Variants in COG5 observed in about 807,000 individuals in gnomAD.
COG5 encodes the protein component of oligomeric golgi complex 5.
In COG5, 86 loss-of-function variants were observed where a neutral mutation model predicts 110.4. The observed-to-expected ratio is 0.78, with a 90% CI of 0.65 to 0.93. The LOEUF (loss-of-function observed/expected upper bound fraction) is 0.93. Ranked by LOEUF, COG5 falls within the 40% of genes least tolerant of loss-of-function variation. The pLI is 0.00. For synonymous variants in COG5, 360 were observed against 334.6 expected (o/e 1.08, Z -0.83); for missense variants, 1,077 against 987.0 (o/e 1.09, Z -1.22).
intron 10 of COG5, among the ~76,000 whole-genome samples, chr7:107,346,907 T>G (rs1445773857): frequency 3.9e-5 from 6 of 152,086 alleles, no homozygotes; most frequent in Non-Finnish European, 7.4e-5. Context: ...AACAGGAGGA[T>G]ATTAACCCAT....
chr7:107,339,529 T>G (rs1811006642), intron 10 of COG5, among the ~76,000 whole-genome samples: 1 of 152,022 alleles, frequency 6.6e-6, no homozygotes, highest in South Asian at 2.1e-4. Flanking sequence ...CTGGACCTAA[T>G]AGATATCTAC....
intron 6 of COG5, among the ~76,000 whole-genome samples, chr7:107,505,218 G>T (rs1798906900): frequency 6.6e-6 from 1 of 152,154 alleles, no homozygotes; most frequent in African/African-American, 2.4e-5. Context: ...GGTGTCCACA[G>T]GTAAAAACCA....
chr7:107,358,634 T>C (rs944431999), intron 10 of COG5, among the ~76,000 whole-genome samples: 10 of 152,180 alleles, frequency 6.6e-5, no homozygotes, highest in Non-Finnish European at 2.9e-5. Context: ...TAAGAGTTGT[T>C]CACTGTACCT....
At chr7:107,255,606 T>C (rs1294019758) in intron 16 of COG5, among the ~76,000 whole-genome samples, 2 of 152,156 alleles carry the variant, frequency 1.3e-5, no homozygotes, top group Non-Finnish European at 2.9e-5. Flanking sequence ...AGGATTTACT[T>C]GTAGACTTTC....
chr7:107,554,149 T>C, intron 3 of COG5, 136 bp downstream of exon 3: 4 of 730,040 alleles, frequency 5.5e-6, no homozygotes, highest in South Asian at 1.5e-5. Flanking sequence ...CACTCTACAA[T>C]GGCAGAGTTT....
intron 1 of COG5, among the ~76,000 whole-genome samples, chr7:107,558,731 A>T (rs948963161): frequency 5.1e-4 from 77 of 150,534 alleles, no homozygotes; most frequent in Admixed American, 8.6e-4. Context: ...CTAAAAATAT[A>T]AAAAAAATTA....
chr7:107,372,851 C>A, intron 7 of COG5, 91 bp from the exon 8 acceptor site: 6 of 1,198,512 alleles, frequency 5.0e-6, no homozygotes, highest in Non-Finnish European at 7.1e-6. Context: ...AGGACTTCAG[C>A]AGTCCTATCA....
rs574911186 is a variant in COG5, at chr7:107,444,491, T to C, written c.539-31859A>G. The stretch of plus-strand genomic sequence containing the variant: ...TACACTGTTTTCGCCACTCCAACCC[T>C]GCTTTTCAGAATTATACCTGTTCTT... On this transcript the variant is annotated intron_variant, in intron 6 of 21. Transcript: ENST00000297135. Among the ~76,000 whole-genome samples the C allele has an allele frequency of 6.2e-4, 94 of 152,336 alleles. No individual in the cohort carries two copies. In the South Asian group the frequency reaches 0.019, roughly 31 times the overall value.
intron 7 of COG5, among the ~76,000 whole-genome samples, chr7:107,404,644 C>T (rs1411858643): frequency 6.6e-6 from 1 of 151,670 alleles, no homozygotes; most frequent in African/African-American, 2.4e-5. Context: ...AGGAGAGTAG[C>T]ATAAAATGTG....
intron 5 of COG5, among the ~76,000 whole-genome samples, chr7:107,540,335 G>T (rs1801882973): frequency 6.6e-6 from 1 of 151,960 alleles, no homozygotes; most frequent in South Asian, 2.1e-4. Context: ...CATTTTGGGA[G>T]GCCAGGTAGG....
At chr7:107,441,873 T>C (rs549811040) in intron 6 of COG5, among the ~76,000 whole-genome samples, 4 of 152,224 alleles carry the variant, frequency 2.6e-5, no homozygotes, top group Non-Finnish European at 5.9e-5. Flanking sequence ...TAAGTCACAT[T>C]TTAAAATAGA....
chr7:107,413,554 C>G (rs1277773644), intron 6 of COG5, among the ~76,000 whole-genome samples: 2 of 146,722 alleles, frequency 1.4e-5, no homozygotes, highest in East Asian at 3.9e-4. Flanking sequence ...AAAAAAAAAC[C>G]AGGAAAAAAA....
intron 6 of COG5, among the ~76,000 whole-genome samples, chr7:107,505,977 G>A (rs1422763683): frequency 6.6e-6 from 1 of 152,174 alleles, no homozygotes; most frequent in Non-Finnish European, 1.5e-5. Context: ...CTCTGATGGG[G>A]GTGGCAGGAA....
intron 6 of COG5, among the ~76,000 whole-genome samples, chr7:107,502,796 G>A (rs547012180): frequency 1.3e-5 from 2 of 152,028 alleles, no homozygotes; most frequent in African/African-American, 2.4e-5. Context: ...TATGTTTCTC[G>A]ACCATTTGCA....
At chr7:107,413,577 C>T (rs147075593) in intron 6 of COG5, among the ~76,000 whole-genome samples, 249 of 151,212 alleles carry the variant, frequency 1.6e-3, no homozygotes, top group African/African-American at 5.6e-3. Flanking sequence ...TAGTAACAAA[C>T]CCCAGCGACT....
chr7:107,539,242 A>G (rs1801807902), intron 5 of COG5, among the ~76,000 whole-genome samples: 1 of 152,196 alleles, frequency 6.6e-6, no homozygotes, highest in Non-Finnish European at 1.5e-5. Context: ...CAACAACAAC[A>G]AAGCAACGTA....
chr7:107,340,519 T>C (rs972635199), intron 10 of COG5, among the ~76,000 whole-genome samples: 3 of 152,154 alleles, frequency 2.0e-5, no homozygotes, highest in Admixed American at 1.3e-4. Flanking sequence ...GACTCCTCCC[T>C]AACTCATAAT....
At chr7:107,230,508 T>G in intron 19 of COG5, 107 bp downstream of exon 19, 1 of 820,244 alleles carries the variant, frequency 1.2e-6, no homozygotes, top group East Asian at 2.4e-5. Context: ...GCCATTGTTG[T>G]AGATCAAAAA....
At chr7:107,275,227 G>A (rs1367097389) in intron 14 of COG5, among the ~76,000 whole-genome samples, 1 of 151,890 alleles carries the variant, frequency 6.6e-6, no homozygotes, top group Non-Finnish European at 1.5e-5. Flanking sequence ...GCCGAGGTGG[G>A]AGGTTGCTTG....
Sources: allele counts gnomAD v4.1 joint callset (sites outside exome capture counted in the v4.1 genomes callset), GRCh38; gene constraint gnomAD v4.1.1; transcripts MANE v1.5; gene names NCBI Gene and HGNC (gene_info 2026-07-23, HGNC 2026-07-21).